Variants in MUC5B observed in about 807,000 individuals in gnomAD.
The protein encoded by MUC5B is mucin-5B.
Under a neutral mutation model 376.9 loss-of-function variants are expected in MUC5B, and 116 were observed. The observed-to-expected ratio is 0.31, with a 90% CI of 0.26 to 0.36. MUC5B has a LOEUF of 0.36. Ranked by LOEUF, MUC5B falls within the 10% of genes least tolerant of loss-of-function variation. The probability of loss-of-function intolerance (pLI) is 1.00; values close to 1 mark genes in which losing one functional copy is unlikely to be tolerated. For synonymous variants in MUC5B, 3,517 were observed against 3,390.9 expected (o/e 1.04, Z -1.29); for missense variants, 7,165 against 7,769.9 (o/e 0.92, Z 2.93).
rs375463570 is a variant in MUC5B, at chr11:1,249,397, G to A, written c.12517G>A (p.Glu4173Lys). 2.5e-4 allele frequency: 404 copies of A among 1,611,128 alleles called. 1 individual carries two copies. Among genetic ancestry groups the A allele is most frequent in the South Asian group, 9.5e-4 (86 of 90,992 alleles). The change falls in exon 31 of 49, where the codon GAG becomes AAG. Residue 4173 changes from glutamate (E) to lysine (K), a missense_variant. By Grantham distance (56) the Glu-to-Lys change is moderately conservative. This residue lies in a region of MUC5B where 34 missense variants were observed against 25.7 expected (regional missense o/e 1.32). Transcript: ENST00000529681. Reference protein sequence around the residue: ...GAVCEQPLGLECRAQAQPGVP... With the variant: ...GAVCEQPLGLKCRAQAQPGVP... ...CGTCTGTGAGCAGCCCCTGGGCCTCGAGTGCCGTGCCCAGGCCCAGCCTGG... is the reference window on the plus strand; with the variant it reads ...CGTCTGTGAGCAGCCCCTGGGCCTCAAGTGCCGTGCCCAGGCCCAGCCTGG...
intron 30 of MUC5B, 59 bp downstream of exon 30, chr11:1,240,434 CT>C (rs1369288727): frequency 2.7e-6 from 4 of 1,478,996 alleles, no homozygotes; most frequent in Non-Finnish European, 3.7e-6. Flanking sequence ...GGAGGACCCC[CT>C]GGGCTCTTAG....
Position 1,250,045 on chromosome 11 carries a change from A to C in MUC5B, c.13165A>C (p.Thr4389Pro). ...TSTPSSTPGT[T>P]WILTELTTAA... ...CACCCCCTCCTCCACTCCGGGGACGACCTGGATCCTCACAGAGCTGACCAC... is the reference window on the plus strand; with the variant it reads ...CACCCCCTCCTCCACTCCGGGGACGCCCTGGATCCTCACAGAGCTGACCAC... Residue 4389 changes from threonine to proline, a missense_variant, in exon 31 of 49, where the codon ACC (threonine) becomes CCC (proline). Thr to Pro is a conservative substitution (Grantham distance 38, BLOSUM62 -1). Transcript: ENST00000529681. The C allele has an allele frequency of 6.2e-7, 1 of 1,610,014 alleles. No homozygotes were observed. Among genetic ancestry groups the C allele is most frequent in the Non-Finnish European group, 8.5e-7 (1 of 1,177,904 alleles).
Position 1,231,047 on chromosome 11 carries a change from C to T in MUC5B, c.1540+42C>T, listed in dbSNP as rs545359577. 6 of 1,530,116 alleles carry T rather than the reference C, an allele frequency of 3.9e-6. No homozygotes were observed. The South Asian group carries it at 7.2e-5, about 18-fold the overall frequency. 94.8% of individuals were successfully genotyped at this position (1,530,116 alleles called of 1,614,324 possible). A position where few individuals can be genotyped will look rare whatever the true frequency, so the allele number is the denominator to read the frequency against. Reference sequence around the variant, plus strand: ...GGACGGCCGGGCTGGGTGGCGCCTGCTTGCAGGGGCAGCTCCCACAGCCTG... The same window carrying T: ...GGACGGCCGGGCTGGGTGGCGCCTGTTTGCAGGGGCAGCTCCCACAGCCTG... On this transcript the variant is annotated intron_variant, in intron 13 of 48. Coordinates refer to ENST00000529681, the MANE Select transcript of MUC5B (RefSeq NM_002458.3).
rs773573752 is a variant in MUC5B at position 1,248,904 on chromosome 11, G to A, written c.12024G>A (p.Thr4008=). 103 of 1,562,696 alleles carry A rather than the reference G, an allele frequency of 6.6e-5. No individual in the cohort carries two copies. The East Asian group carries it at 6.7e-4, about 10-fold the overall frequency. Residue 4008 remains threonine, a synonymous_variant, in exon 31 of 49, where the codon ACG becomes ACA. Coordinates refer to ENST00000529681, the MANE Select transcript of MUC5B (RefSeq NM_002458.3). ...ACACACCCCCAGTGCCGAACACCAC[G>A]GCCACCACACACGGGCGATCCCTGT... ...TTHTPPVPNT[T]ATTHGRSLSP...
chr11:1,242,969 C>T lies in MUC5B; in HGVS notation c.6089C>T (p.Thr2030Ile), dbSNP rs1236188297. The change falls in exon 31 of 49, where the codon ACT becomes ATT. Residue 2030 changes from threonine to isoleucine, a missense_variant. This residue lies in a region of MUC5B where 897 missense variants were observed against 779.6 expected (regional missense o/e 1.15). Coordinates refer to ENST00000529681, the MANE Select transcript of MUC5B (RefSeq NM_002458.3). ...STVLTATATT[T>I]GATGSVATPS... is the part of the protein sequence containing the mutation. Reference sequence around the variant, plus strand: ...GTGCTTACCGCCACGGCCACCACAACTGGGGCCACCGGCTCTGTGGCCACC... The same window carrying T: ...GTGCTTACCGCCACGGCCACCACAATTGGGGCCACCGGCTCTGTGGCCACC... 1.9e-6 allele frequency: 3 copies of T among 1,613,212 alleles called. No individual in the cohort carries two copies. Among genetic ancestry groups the T allele is most frequent in the Non-Finnish European group, 2.5e-6 (3 of 1,179,492 alleles).
Position 1,257,312 on chromosome 11 carries a change from G to A in MUC5B, c.16269+41G>A, listed in dbSNP as rs771630375. On this transcript the variant is annotated intron_variant, in intron 40 of 48. Coordinates refer to ENST00000529681, the MANE Select transcript of MUC5B (RefSeq NM_002458.3). This position sits in a 1 kb window ranked among gnomAD's most constrained non-coding sequence, Gnocchi z 8.9. ...CCCACCTGCCCTACCCCACCCTCTC[G>A]CGAGCTGAGGGAGGGAGGGAAGGAG... 31 of 789,532 alleles carry A rather than the reference G, an allele frequency of 3.9e-5. No individual in the cohort carries two copies. The highest frequency in any genetic ancestry group is 2.7e-4 in the East Asian group (11 of 41,292). 48.9% of individuals were successfully genotyped at this position (789,532 alleles called of 1,614,324 possible). A position where few individuals can be genotyped will look rare whatever the true frequency, so the allele number is the denominator to read the frequency against.
At position 1,240,055 on chromosome 11, in the gene MUC5B, C is replaced by G. The variant is rs757738606; in HGVS notation, c.3739C>G (p.Pro1247Ala). Residue 1247 changes from proline to alanine, a missense_variant, in exon 29 of 49, where the codon CCC (proline) becomes GCC (alanine). Coordinates refer to ENST00000529681, the MANE Select transcript of MUC5B (RefSeq NM_002458.3). ...CTCCCCCACCCCTAGTAACTGCACA[C>G]CCAGTGGCATCCAGTGCGCTCACAG... ...AENCQSCNCT[P>A]SGIQCAHSLE... is the part of the protein sequence containing the mutation. 3 of 1,574,688 alleles carry G rather than the reference C, an allele frequency of 1.9e-6. No homozygotes were observed. Among genetic ancestry groups the G allele is most frequent in the African/African-American group, 1.4e-5 (1 of 74,050 alleles).
Position 1,229,336 on chromosome 11 carries a change from G to T in MUC5B, c.1102+41G>T, listed in dbSNP as rs1002858258. 2.0e-6 allele frequency: 3 copies of T among 1,498,256 alleles called. No homozygotes were observed. In the African/African-American group the frequency reaches 4.2e-5, roughly 21 times the overall value. 92.8% of individuals were successfully genotyped at this position (1,498,256 alleles called of 1,614,324 possible). ...CCTGAACCCCTCAGGGGGCTTTCAG[G>T]TCCCTGCTCCCAACCCCGCCCCCAG... On this transcript the variant is annotated intron_variant, in intron 9 of 48. Coordinates refer to ENST00000529681, the MANE Select transcript of MUC5B (RefSeq NM_002458.3).
In MUC5B at chr11:1,251,585, C is replaced by T. The variant is rs1862700872; in HGVS notation, c.14705C>T (p.Thr4902Ile). Residue 4902 changes from threonine (T) to isoleucine (I), a missense_variant, in exon 31 of 49, where the codon ACC becomes ATC. Thr to Ile is a moderately conservative substitution (Grantham distance 89, BLOSUM62 -1). Coordinates refer to ENST00000529681, the MANE Select transcript of MUC5B (RefSeq NM_002458.3). ...GTTCCCAGCTCGTCCACCGTGGGGA[C>T]CACCCGCACCCCTGCAGTGCTCCCC... ...STVPSSSTVG[T>I]TRTPAVLPSS... is the part of the protein sequence containing the mutation. The T allele has an allele frequency of 1.2e-6, 2 of 1,612,960 alleles. No individual in the cohort carries two copies. Among genetic ancestry groups the T allele is most frequent in the South Asian group, 2.2e-5 (2 of 91,082 alleles).
At chr11:1,230,879 G>A (rs539866901) in intron 12 of MUC5B, 57 bp from the exon 13 acceptor site, 1 of 1,544,844 alleles carries the variant, frequency 6.5e-7, no homozygotes, top group East Asian at 2.4e-5. Flanking sequence ...CCCCTCATTT[G>A]AGAGTCGGGA....
chr11:1,240,497 T>C, intron 30 of MUC5B, 122 bp downstream of exon 30: 2 of 957,846 alleles, frequency 2.1e-6, no homozygotes, highest in Non-Finnish European at 1.5e-6. Flanking sequence ...CCTTCCGGGC[T>C]CTGTCTAGGG....
chr11:1,241,252 A>T lies in MUC5B; in HGVS notation c.4372A>T (p.Thr1458Ser). 3 of 1,592,788 alleles carry T rather than the reference A, an allele frequency of 1.9e-6. No individual in the cohort carries two copies. Among genetic ancestry groups the T allele is most frequent in the Non-Finnish European group, 1.7e-6 (2 of 1,170,004 alleles). ...ASTEPAVPTP[T>S]QTTATEKTTL... The stretch of plus-strand genomic sequence containing the variant: ...CACGGAGCCTGCTGTGCCTACCCCA[A>T]CCCAGACCACAGCAACCGAAAAGAC... The change falls in exon 31 of 49, where the codon ACC becomes TCC. Residue 1458 changes from threonine (T) to serine (S), a missense_variant. Transcript: ENST00000529681.
intron 44 of MUC5B, 116 bp downstream of exon 44, chr11:1,259,177 G>A (rs1426519940): frequency 4.2e-5 from 44 of 1,058,004 alleles, no homozygotes; most frequent in African/African-American, 8.2e-5. Context: ...GTGAGCCCCC[G>A]AGGCACCTGC....
chr11:1,259,904 T>C lies in MUC5B; in HGVS notation c.16801-59T>C, dbSNP rs2857476. ...CCTCCCTGGAGACCCTCACCCCCAA[T>C]GGGGCTCTGCACAAGAGGTAATCCC... is the stretch of plus-strand genomic sequence containing the variant. On this transcript the variant is annotated intron_variant, in intron 45 of 48. Transcript: ENST00000529681. 0.52 allele frequency: 840,953 copies of C among 1,611,726 alleles called. 221,370 individuals carry two copies. The highest frequency in any genetic ancestry group is 0.72 in the East Asian group (32,291 of 44,850).
rs778559090 is a variant in MUC5B at position 1,249,118 on chromosome 11, C to G, written c.12238C>G (p.Pro4080Ala). ...TAGCAGCAGGACCACCGAGTCACCCCCTTCCCCAGGGACGACCACCCCGGG... is the reference window on the plus strand; with the variant it reads ...TAGCAGCAGGACCACCGAGTCACCCGCTTCCCCAGGGACGACCACCCCGGG... ...HPSSRTTESP[P>A]SPGTTTPGHT... is the part of the protein sequence containing the mutation. Residue 4080 changes from proline to alanine, a missense_variant, in exon 31 of 49, where the codon CCT becomes GCT. Physicochemically the swap from Pro to Ala is conservative, Grantham distance 27 (BLOSUM62 -1). Coordinates refer to ENST00000529681, the MANE Select transcript of MUC5B (RefSeq NM_002458.3). The G allele has an allele frequency of 1.2e-6, 2 of 1,611,356 alleles. No individual in the cohort carries two copies. Among genetic ancestry groups the G allele is most frequent in the Non-Finnish European group, 1.7e-6 (2 of 1,179,564 alleles).
In MUC5B at chr11:1,242,588, C is replaced by A. The variant is rs183397959; in HGVS notation, c.5708C>A (p.Thr1903Lys). Residue 1903 changes from threonine (T) to lysine (K), a missense_variant, in exon 31 of 49, where the codon ACG becomes AAG. By Grantham distance (78) the Thr-to-Lys change is moderately conservative. Coordinates refer to ENST00000529681, the MANE Select transcript of MUC5B (RefSeq NM_002458.3). Reference sequence around the variant, plus strand: ...GCCACGCCCTCCTCAACTCCGGGGACGACCTGGATCCTCACAAAGCCGACC... The same window carrying A: ...GCCACGCCCTCCTCAACTCCGGGGAAGACCTGGATCCTCACAAAGCCGACC... ...STATPSSTPG[T>K]TWILTKPTTT... The A allele has an allele frequency of 5.0e-6, 8 of 1,613,696 alleles. No individual in the cohort carries two copies. The highest frequency in any genetic ancestry group is 5.9e-6 in the Non-Finnish European group (7 of 1,179,810).
rs892491098 is a variant in MUC5B at position 1,258,497 on chromosome 11, G to A, written c.16593+130G>A. On this transcript the variant is annotated intron_variant, in intron 43 of 48. Coordinates refer to ENST00000529681, the MANE Select transcript of MUC5B (RefSeq NM_002458.3). This position sits in a 1 kb window ranked among gnomAD's most constrained non-coding sequence, Gnocchi z 5.5. ...GAGGGCCGATCCGCACAGGGGCCCT[G>A]GACACGTCAGAGCTGGGACATGCTT... 6 of 1,099,998 alleles carry A rather than the reference G, an allele frequency of 5.5e-6. No individual in the cohort carries two copies. In the East Asian group the frequency reaches 1.0e-4, roughly 19 times the overall value. 68.1% of individuals were successfully genotyped at this position (1,099,998 alleles called of 1,614,324 possible).
In MUC5B at chr11:1,228,749, G is replaced by A. The variant is rs780135942; in HGVS notation, c.960G>A (p.Arg320=). The change falls in exon 8 of 49, where the codon AGG becomes AGA. Residue 320 remains arginine (R), a synonymous_variant. Coordinates refer to ENST00000529681, the MANE Select transcript of MUC5B (RefSeq NM_002458.3). ...AHAGGQPRNW[R]CPELCPRTCP... ...CGGGGGGCCAGCCGCGGAACTGGAG[G>A]TGCCCTGAGCTCTGCCGTGAGTGCT... 6.6e-7 allele frequency: 1 copy of A among 1,517,564 alleles called. No individual in the cohort carries two copies. Among genetic ancestry groups the A allele is most frequent in the South Asian group, 1.2e-5 (1 of 82,374 alleles). The allele number at this position is 1,517,564 out of a possible 1,614,324, so 94.0% of individuals were successfully genotyped here.
At position 1,260,025 on chromosome 11, in the gene MUC5B, G is replaced by T. The variant is rs376572426; in HGVS notation, c.16863G>T (p.Glu5621Asp). 2 of 1,612,866 alleles carry T rather than the reference G, an allele frequency of 1.2e-6. No homozygotes were observed. Among genetic ancestry groups the T allele is most frequent in the East Asian group, 4.5e-5 (2 of 44,890 alleles). The change falls in exon 46 of 49, where the codon GAG (glutamate) becomes GAT (aspartate). Residue 5621 changes from glutamate to aspartate, a missense_variant. Around this residue, in one of 31 missense-constraint regions of MUC5B, gnomAD observed 842 missense variants for 1,016.9 expected, o/e 0.83. Coordinates refer to ENST00000529681, the MANE Select transcript of MUC5B (RefSeq NM_002458.3). The part of the protein sequence containing the change: ...DNCTVYLCEA[E>D]GGVHLLTPQP... ...GCACCGTGTACCTCTGTGAGGCTGAGGGTGGAGTCCATTTGCTGACCCCAC... is the reference window on the plus strand; with the variant it reads ...GCACCGTGTACCTCTGTGAGGCTGATGGTGGAGTCCATTTGCTGACCCCAC...
Sources: allele counts gnomAD v4.1 joint callset, GRCh38; gene constraint gnomAD v4.1.1; regional missense constraint gnomAD v4.1.1; non-coding constraint Gnocchi (gnomAD v3.1); transcripts MANE v1.5; gene names NCBI Gene and HGNC (gene_info 2026-07-23, HGNC 2026-07-21).